The following PCSK2 variants were observed in gnomAD, a reference collection of about 807,000 sequenced individuals.
PCSK2 encodes proprotein convertase subtilisin/kexin type 2, also known as neuroendocrine convertase 2.
In PCSK2, 14 loss-of-function variants were observed where a neutral mutation model predicts 69.7. The ratio of observed to expected loss-of-function variants is 0.20; its 90% CI spans 0.13 to 0.31. PCSK2 has a LOEUF of 0.31. Ranked by LOEUF, PCSK2 falls within the 10% of genes least tolerant of loss-of-function variation. The pLI is 1.00. For missense variants in PCSK2, 544 were observed against 842.5 expected (o/e 0.65, Z 4.39); for synonymous variants, 307 against 320.7 (o/e 0.96, Z 0.46).
intron 8 of PCSK2, among the ~76,000 whole-genome samples, chr20:17,449,526 G>GTGTA (rs1555796488): frequency 3.8e-4 from 50 of 130,632 alleles, no homozygotes; most frequent in African/African-American, 1.4e-3. Context: ...ATGTATGTAT[G>GTGTA]TATATATATA....
At chr20:17,338,178 G>A (rs988644630) in intron 2 of PCSK2, among the ~76,000 whole-genome samples, 9 of 145,034 alleles carry the variant, frequency 6.2e-5, no homozygotes, top group Admixed American at 6.2e-4. Context: ...TTTTGGGGGG[G>A]GGGGTTGTGT....
intron 2 of PCSK2, among the ~76,000 whole-genome samples, chr20:17,300,029 A>T (rs1989024767): frequency 6.6e-6 from 1 of 152,188 alleles, no homozygotes; most frequent in Non-Finnish European, 1.5e-5. Flanking sequence ...CAGTTGAGAG[A>T]TTGCTGTCCA....
intron 2 of PCSK2, among the ~76,000 whole-genome samples, chr20:17,293,963 A>T (rs146898591): frequency 3.9e-5 from 6 of 152,104 alleles, no homozygotes; most frequent in African/African-American, 1.4e-4. Context: ...TTGGGGTTTC[A>T]ATTTCTTTTA....
chr20:17,281,612 G>A (rs1378693327), intron 2 of PCSK2, among the ~76,000 whole-genome samples: 1 of 152,128 alleles, frequency 6.6e-6, no homozygotes, highest in Non-Finnish European at 1.5e-5. Context: ...CACTTAACTT[G>A]GCTGGTATGG....
rs564758162 is a variant in PCSK2, at chr20:17,431,195, G to C, written c.709+1672G>C. 1.6e-4 allele frequency among the ~76,000 whole-genome samples: 24 copies of C among 152,266 alleles called. No individual in the cohort carries two copies. In the South Asian group the frequency reaches 4.8e-3, roughly 30 times the overall value. ...ACGAAGTGAGTCTCATGGACAACAG[G>C]GGCCCCGTCCTGCAGGTAATTCTCT... On this transcript the variant is annotated intron_variant, in intron 7 of 11. Transcript: ENST00000262545.
At chr20:17,232,243 A>G (rs868016749) in intron 1 of PCSK2, among the ~76,000 whole-genome samples, 1 of 152,218 alleles carries the variant, frequency 6.6e-6, no homozygotes, top group African/African-American at 2.4e-5. Context: ...CCGGCTACAG[A>G]CAAACAGCCA....
intron 6 of PCSK2, among the ~76,000 whole-genome samples, chr20:17,418,372 T>C (rs1026217494): frequency 6.6e-6 from 1 of 152,228 alleles, no homozygotes; most frequent in African/African-American, 2.4e-5. Flanking sequence ...AGGGAACGAA[T>C]GTATCCCAGG....
intron 2 of PCSK2, among the ~76,000 whole-genome samples, chr20:17,270,175 G>C (rs1207524765): frequency 3.3e-5 from 5 of 152,090 alleles, no homozygotes; most frequent in African/African-American, 1.2e-4. Context: ...AAAGTGGTTT[G>C]AAGTTGGTGA....
intron 2 of PCSK2, among the ~76,000 whole-genome samples, chr20:17,262,504 A>G (rs1399141916): frequency 6.6e-6 from 1 of 152,086 alleles, no homozygotes; most frequent in Non-Finnish European, 1.5e-5. Flanking sequence ...CCTTTTTCCA[A>G]AATATTAGAT....
At chr20:17,288,810 A>C (rs774892851) in intron 2 of PCSK2, among the ~76,000 whole-genome samples, 2 of 152,202 alleles carry the variant, frequency 1.3e-5, no homozygotes, top group Admixed American at 6.5e-5. Context: ...GAATCGTGAG[A>C]AAATAAATTT....
At chr20:17,455,748 C>T (rs1189168832) in intron 9 of PCSK2, among the ~76,000 whole-genome samples, 1 of 152,224 alleles carries the variant, frequency 6.6e-6, no homozygotes, top group African/African-American at 2.4e-5. Context: ...ATAAATCTCT[C>T]TGTAGTCTCT....
intron 2 of PCSK2, among the ~76,000 whole-genome samples, chr20:17,317,407 A>C (rs1989721695): frequency 6.6e-6 from 1 of 152,130 alleles, no homozygotes; most frequent in Admixed American, 6.5e-5. Flanking sequence ...GACCCAGTTG[A>C]CCCATCTTTT....
intron 5 of PCSK2, among the ~76,000 whole-genome samples, chr20:17,405,158 T>C (rs1157215046): frequency 6.6e-6 from 1 of 152,206 alleles, no homozygotes; most frequent in African/African-American, 2.4e-5. Context: ...CACCTACATT[T>C]TGAAGATGAG....
At chr20:17,344,727 A>G (rs894398299) in intron 2 of PCSK2, among the ~76,000 whole-genome samples, 4 of 152,068 alleles carry the variant, frequency 2.6e-5, no homozygotes, top group Non-Finnish European at 4.4e-5. Flanking sequence ...CCTCCATGCC[A>G]AACACATGCC....
chr20:17,443,429 G>C (rs1045432562), intron 8 of PCSK2, among the ~76,000 whole-genome samples: 1 of 152,128 alleles, frequency 6.6e-6, no homozygotes, highest in African/African-American at 2.4e-5. Context: ...CAGACAGCCT[G>C]TTTCCTTATT....
intron 11 of PCSK2, among the ~76,000 whole-genome samples, chr20:17,476,034 C>T (rs576905651): frequency 1.1e-4 from 16 of 152,256 alleles, no homozygotes; most frequent in East Asian, 5.8e-4. Flanking sequence ...AAGGAAAGCC[C>T]GATTCTGGGC....
rs538840890 is a variant in PCSK2 at position 17,299,709 on chromosome 20, C to G, written c.282+39365C>G. ...GAAATTTTTCTTAAGTTTACCTTTT[C>G]CTTCGCTAATCCAATTTTTCACATA... On this transcript the variant is annotated intron_variant, in intron 2 of 11. Transcript: ENST00000262545. Among the ~76,000 whole-genome samples, 25 of 151,938 alleles carry G rather than the reference C, an allele frequency of 1.6e-4. No homozygotes were observed. In the South Asian group the frequency reaches 4.6e-3, roughly 28 times the overall value.
chr20:17,456,500 G>C, intron 10 of PCSK2, 52 bp downstream of exon 10: 1 of 952,364 alleles, frequency 1.1e-6, no homozygotes, highest in South Asian at 1.4e-5. Flanking sequence ...GGACTAACAC[G>C]TGTCTCTCTG....
At chr20:17,342,088 C>G (rs574109807) in intron 2 of PCSK2, among the ~76,000 whole-genome samples, 18 of 152,282 alleles carry the variant, frequency 1.2e-4, no homozygotes, top group Admixed American at 9.8e-4. Context: ...TTGGAGTAGA[C>G]AGTTTAAGGA....
Sources: gnomAD v4.1 joint callset for allele counts (sites outside exome capture counted in the v4.1 genomes callset) on GRCh38, gnomAD v4.1.1 for gene constraint, MANE v1.5 for transcripts, NCBI Gene and HGNC (gene_info 2026-07-23, HGNC 2026-07-21) for gene names.